Variants in MACF1 observed in about 807,000 individuals in gnomAD.
The protein encoded by MACF1 is microtubule actin crosslinking factor 1.
In MACF1, 193 loss-of-function variants were observed where a neutral mutation model predicts 854.8. The ratio of observed to expected loss-of-function variants is 0.23; its 90% CI spans 0.20 to 0.25. The LOEUF (loss-of-function observed/expected upper bound fraction) is 0.25, where lower values mean the gene tolerates loss of function less well. Among genes scored for constraint, MACF1 ranks in the 10% least tolerant of loss-of-function variants. The pLI is 1.00. For synonymous variants in MACF1, 3,185 were observed against 3,226.7 expected (o/e 0.99, Z 0.44); for missense variants, 7,722 against 8,929.1 (o/e 0.86, Z 5.45).
intron 2 of MACF1, among the ~76,000 whole-genome samples, chr1:39,181,037 C>T (rs1644098689): frequency 6.6e-6 from 1 of 152,186 alleles, no homozygotes; most frequent in African/African-American, 2.4e-5. Flanking sequence ...TCCTGAGCAG[C>T]TGGGACTACA....
chr1:39,344,826 G>A (rs1647010659), intron 40 of MACF1, among the ~76,000 whole-genome samples: 1 of 152,206 alleles, frequency 6.6e-6, no homozygotes, highest in Non-Finnish European at 1.5e-5. Flanking sequence ...CCTGGAAGCT[G>A]CTAATCACCA....
At chr1:39,405,807 T>C (rs1642673186) in intron 58 of MACF1, among the ~76,000 whole-genome samples, 1 of 152,192 alleles carries the variant, frequency 6.6e-6, no homozygotes, top group South Asian at 2.1e-4. Context: ...GGGGGAAATA[T>C]CTGAAGAGGG....
intron 70 of MACF1, among the ~76,000 whole-genome samples, chr1:39,437,355 G>A (rs1644003201): frequency 6.6e-6 from 1 of 150,520 alleles, no homozygotes; most frequent in African/African-American, 2.4e-5. Context: ...CTGTCGCCCA[G>A]GCTGGAGTGC....
intron 30 of MACF1, 146 bp from the exon 31 acceptor site, chr1:39,319,518 G>C: frequency 1.9e-6 from 1 of 536,234 alleles, no homozygotes; most frequent in Non-Finnish European, 3.3e-6. Flanking sequence ...CTGGAGGTGA[G>C]GCCCAGCAGT....
At chr1:39,410,216 C>A (rs2148611431) in intron 58 of MACF1, 2 of 1,377,234 alleles carry the variant, frequency 1.5e-6, no homozygotes, top group South Asian at 2.8e-5. Flanking sequence ...TGGGGGGAAC[C>A]TGTGAAAAAT....
chr1:39,239,893 C>CTT (rs1644902723), intron 2 of MACF1, among the ~76,000 whole-genome samples: 1 of 152,090 alleles, frequency 6.6e-6, no homozygotes, highest in African/African-American at 2.4e-5. Flanking sequence ...TTACAACCAA[C>CTT]CCTTCCTTCC....
chr1:39,445,814 G>T (rs1570110036), intron 80 of MACF1, among the ~76,000 whole-genome samples: 1 of 152,080 alleles, frequency 6.6e-6, no homozygotes, highest in African/African-American at 2.4e-5. Context: ...CTAAAAATTA[G>T]CCAGGTGTAG....
chr1:39,404,338 G>A (rs994945106), intron 58 of MACF1, among the ~76,000 whole-genome samples: 1 of 151,710 alleles, frequency 6.6e-6, no homozygotes, highest in Non-Finnish European at 1.5e-5. Flanking sequence ...GGGCATGGTG[G>A]TGCACACCTG....
chr1:39,317,923 A>C (rs999969363), intron 29 of MACF1, among the ~76,000 whole-genome samples: 16 of 152,196 alleles, frequency 1.1e-4, no homozygotes, highest in South Asian at 2.1e-4. Context: ...TAGGGAGAGG[A>C]GCTTAACAAC....
intron 36 of MACF1, among the ~76,000 whole-genome samples, chr1:39,330,802 CT>C (rs543557691): frequency 0.058 from 8,086 of 139,786 alleles, 244 homozygotes; most frequent in African/African-American, 0.099. Flanking sequence ...TACTGTAGTA[CT>C]TTTTTTTTTT....
intron 95 of MACF1, among the ~76,000 whole-genome samples, chr1:39,467,225 C>A (rs1644688107): frequency 6.6e-6 from 1 of 152,026 alleles, no homozygotes; most frequent in South Asian, 2.1e-4. Context: ...AATTAGCCGG[C>A]CTGGTGGCGG....
intron 2 of MACF1, among the ~76,000 whole-genome samples, chr1:39,131,322 G>C (rs1330017660): frequency 6.6e-6 from 1 of 150,630 alleles, no homozygotes; most frequent in Non-Finnish European, 1.5e-5. Flanking sequence ...ATGCCATCAT[G>C]CCCAGCTCAG....
chr1:39,452,637 C>A, intron 86 of MACF1, 47 bp from the exon 87 acceptor site: 4 of 1,610,502 alleles, frequency 2.5e-6, no homozygotes, highest in Non-Finnish European at 3.4e-6. Context: ...GTATCTAGGT[C>A]CTTGGCTGCA....
At chr1:39,159,311 C>T (rs1306678568) in intron 2 of MACF1, among the ~76,000 whole-genome samples, 1 of 152,242 alleles carries the variant, frequency 6.6e-6, no homozygotes, top group Non-Finnish European at 1.5e-5. Context: ...TCCCTGTTTT[C>T]TTTGAGGTGG....
intron 2 of MACF1, among the ~76,000 whole-genome samples, chr1:39,248,254 T>C (rs890385768): frequency 1.3e-5 from 2 of 152,194 alleles, no homozygotes; most frequent in African/African-American, 4.8e-5. Flanking sequence ...TCTTTACGTA[T>C]GTTTCCATTC....
At chr1:39,261,314 T>TA (rs958478050) in intron 6 of MACF1, among the ~76,000 whole-genome samples, 138 of 152,160 alleles carry the variant, frequency 9.1e-4, no homozygotes, top group African/African-American at 3.0e-3. Context: ...AATGCATTCA[T>TA]AAAAAAAACT....
rs114609056 is a variant in MACF1 at position 39,272,664 on chromosome 1, A to T, written c.529-9544A>T. On this transcript the variant is annotated intron_variant, in intron 6 of 100. Coordinates refer to ENST00000564288, the MANE Select transcript of MACF1 (RefSeq NM_001394062.1). The stretch of plus-strand genomic sequence containing the variant: ...CAGGCTATGGATAGACATAAACTTC[A>T]CCATGGGTTTTGTTGCTTTTTAGGA... Among the ~76,000 whole-genome samples the T allele has an allele frequency of 7.5e-3, 1,144 of 152,292 alleles. 10 individuals carry two copies. The highest frequency in any genetic ancestry group is 0.017 in the Middle Eastern group (5 of 294).
chr1:39,341,658 A>G (rs576046058), intron 40 of MACF1, among the ~76,000 whole-genome samples: 3 of 151,906 alleles, frequency 2.0e-5, no homozygotes, highest in Non-Finnish European at 2.9e-5. Flanking sequence ...AGACCGCGCC[A>G]TTGCACTCCA....
At chr1:39,097,670 CA>C (rs1477664750) in intron 2 of MACF1, among the ~76,000 whole-genome samples, 2 of 151,854 alleles carry the variant, frequency 1.3e-5, no homozygotes, top group Admixed American at 1.3e-4. Context: ...AGCAGTGAGC[CA>C]TGTTCATGCC....
Sources: allele counts gnomAD v4.1 joint callset (sites outside exome capture counted in the v4.1 genomes callset), GRCh38; gene constraint gnomAD v4.1.1; transcripts MANE v1.5; gene names NCBI Gene and HGNC (gene_info 2026-07-23, HGNC 2026-07-21).